Variants in CENPP observed in about 807,000 individuals in gnomAD.
CENPP encodes centromere protein P.
Under a neutral mutation model 35.6 loss-of-function variants are expected in CENPP, and 24 were observed. That is an observed-to-expected ratio of 0.67 (90% CI 0.49 to 0.95). CENPP has a LOEUF of 0.95. Among genes scored for constraint, CENPP ranks in the 40% least tolerant of loss-of-function variants. CENPP has a pLI of 0.00. For missense variants in CENPP, 332 were observed against 345.3 expected (o/e 0.96, Z 0.31); for synonymous variants, 120 against 125.5 (o/e 0.96, Z 0.29).
intron 5 of CENPP, among the ~76,000 whole-genome samples, chr9:92,431,623 G>T (rs1391134592): frequency 6.6e-6 from 1 of 152,042 alleles, no homozygotes; most frequent in African/African-American, 2.4e-5. Context: ...TTCCCAGGCT[G>T]GGGTGCAGTG....
At chr9:92,468,856 A>C (rs1430755232) in intron 5 of CENPP, among the ~76,000 whole-genome samples, 2 of 152,204 alleles carry the variant, frequency 1.3e-5, no homozygotes, top group African/African-American at 4.8e-5. Context: ...AGGTCTAAGA[A>C]AGCTCCTGAT....
intron 5 of CENPP, chr9:92,403,135 C>G: frequency 1.4e-6 from 1 of 705,624 alleles, no homozygotes; most frequent in Non-Finnish European, 2.3e-6. Flanking sequence ...AAGTGATTTT[C>G]CCTTCCCCTT....
intron 5 of CENPP, among the ~76,000 whole-genome samples, chr9:92,450,057 G>C (rs1481797302): frequency 6.6e-6 from 1 of 151,996 alleles, no homozygotes; most frequent in African/African-American, 2.4e-5. Context: ...GAATAGAAAG[G>C]TAATACAGAC....
In CENPP at chr9:92,553,501, T is replaced by C. The variant is rs577271040; in HGVS notation, c.565-57813T>C. The stretch of plus-strand genomic sequence containing the variant: ...AATTTGTAGATTGCTTTTGGCAGTA[T>C]GATCATTTCCACAATATTGATTCTA... On this transcript the variant is annotated intron_variant, in intron 5 of 7. Transcript: ENST00000375587. Among the ~76,000 whole-genome samples the C allele has an allele frequency of 3.3e-5, 5 of 152,296 alleles. No homozygotes were observed. The South Asian group carries it at 1.0e-3, about 32-fold the overall frequency.
chr9:92,548,078 A>G (rs1046301422), intron 5 of CENPP, among the ~76,000 whole-genome samples: 1 of 152,252 alleles, frequency 6.6e-6, no homozygotes, highest in African/African-American at 2.4e-5. Context: ...AGAGTTTTCC[A>G]GACACACAAT....
intron 1 of CENPP, among the ~76,000 whole-genome samples, chr9:92,326,703 T>C (rs1026269092): frequency 6.6e-6 from 1 of 152,144 alleles, no homozygotes; most frequent in Non-Finnish European, 1.5e-5. Flanking sequence ...CAGAGATGGA[T>C]TGGGACCCAA....
intron 5 of CENPP, chr9:92,385,721 G>C: frequency 6.2e-7 from 1 of 1,613,998 alleles, no homozygotes; most frequent in Non-Finnish European, 8.5e-7. Context: ...TCTTCAATGC[G>C]GTCCCGGATG....
rs115362539 is a variant in CENPP, at chr9:92,396,872, A to T, written c.564+17013A>T. ...CTATTTCTTTTATATATTTTGATGG[A>T]TTTAAAAACATTTTGTCAGGAGACT... On this transcript the variant is annotated intron_variant, in intron 5 of 7. Coordinates refer to ENST00000375587, the MANE Select transcript of CENPP (RefSeq NM_001012267.3). 3.9e-3 allele frequency among the ~76,000 whole-genome samples: 597 copies of T among 152,150 alleles called. 3 individuals carry two copies. Among genetic ancestry groups the T allele is most frequent in the African/African-American group, 0.013 (541 of 41,492 alleles).
intron 5 of CENPP, among the ~76,000 whole-genome samples, chr9:92,533,163 G>A (rs1334465051): frequency 1.3e-5 from 2 of 150,574 alleles, no homozygotes; most frequent in African/African-American, 4.9e-5. Flanking sequence ...AGCTGGGTGT[G>A]GTGGCACGCG....
At chr9:92,583,400 C>T (rs565299551) in intron 5 of CENPP, among the ~76,000 whole-genome samples, 54 of 152,242 alleles carry the variant, frequency 3.5e-4, no homozygotes, top group Non-Finnish European at 3.5e-4. Context: ...ACTGTGTAAC[C>T]TAGTGCAAGC....
rs1458152441 is a variant in CENPP at position 92,618,578 on chromosome 9, C to G, written c.*5429C>G. On this transcript the variant is annotated 3_prime_UTR_variant, in exon 8 of 8. Coordinates refer to ENST00000375587, the MANE Select transcript of CENPP (RefSeq NM_001012267.3). ...TTCGTGGGTTTTCTCTCATCGAACACCACCAGCTTAATCCAGTTAAGGAAT... is the reference window on the plus strand; with the variant it reads ...TTCGTGGGTTTTCTCTCATCGAACAGCACCAGCTTAATCCAGTTAAGGAAT... 2.2e-6 allele frequency: 1 copy of G among 456,584 alleles called. No individual in the cohort carries two copies. Among genetic ancestry groups the G allele is most frequent in the Non-Finnish European group, 4.4e-6 (1 of 226,968 alleles). 28.3% of individuals were successfully genotyped at this position (456,584 alleles called of 1,614,324 possible).
At chr9:92,413,599 T>C (rs1483834445) in intron 5 of CENPP, among the ~76,000 whole-genome samples, 1 of 152,234 alleles carries the variant, frequency 6.6e-6, no homozygotes, top group Admixed American at 6.5e-5. Context: ...ATTTAAAAAT[T>C]GCAAGAAAAG....
intron 5 of CENPP, chr9:92,415,182 A>G: frequency 6.2e-7 from 1 of 1,610,664 alleles, no homozygotes; most frequent in Non-Finnish European, 8.5e-7. Context: ...AATGAAGGTC[A>G]AAGTGCCCTT....
chr9:92,547,198 AAAAG>A (rs1849485468), intron 5 of CENPP, among the ~76,000 whole-genome samples: 3 of 152,246 alleles, frequency 2.0e-5, no homozygotes, highest in Admixed American at 6.5e-5. Context: ...TAGTGTTTTA[AAAAG>A]AATAAAGAAA....
At chr9:92,567,403 T>TATATATATATATATATATATAG (rs1554688343) in intron 5 of CENPP, among the ~76,000 whole-genome samples, 1 of 138,662 alleles carries the variant, frequency 7.2e-6, no homozygotes, top group African/African-American at 2.7e-5. Context: ...TATAGATATA[T>TATATATATATATATATATATAG]ATATAAAGTG....
chr9:92,514,612 A>G, intron 5 of CENPP: 2 of 1,543,956 alleles, frequency 1.3e-6, no homozygotes, highest in South Asian at 2.5e-5. Context: ...AAAATAAAGC[A>G]GAAGTCAACA....
At chr9:92,600,395 T>A in intron 5 of CENPP, 1 of 1,605,520 alleles carries the variant, frequency 6.2e-7, no homozygotes, top group Admixed American at 1.7e-5. Context: ...AGAGTGGGTC[T>A]CTTTCAACTC....
At chr9:92,587,198 G>A (rs1301383791) in intron 5 of CENPP, among the ~76,000 whole-genome samples, 3 of 152,190 alleles carry the variant, frequency 2.0e-5, no homozygotes, top group South Asian at 2.1e-4. Context: ...CCAGCCGGAC[G>A]GTGGCTCACG....
chr9:92,494,986 A>G (rs1846283301), intron 5 of CENPP, among the ~76,000 whole-genome samples: 1 of 152,178 alleles, frequency 6.6e-6, no homozygotes, highest in Non-Finnish European at 1.5e-5. Context: ...GAAATTGTCA[A>G]TTGTGGTTGG....
Sources: gnomAD v4.1 joint callset for allele counts (sites outside exome capture counted in the v4.1 genomes callset) on GRCh38, gnomAD v4.1.1 for gene constraint, MANE v1.5 for transcripts, NCBI Gene and HGNC (gene_info 2026-07-23, HGNC 2026-07-21) for gene names.